SIK3: variants seen among roughly 807,000 people sequenced by gnomAD.
SIK3 encodes serine/threonine-protein kinase SIK3.
A neutral mutation model predicts 144.2 loss-of-function variants in SIK3; 28 were observed. That is an observed-to-expected ratio of 0.19 (90% CI 0.14 to 0.27). The LOEUF is 0.27. SIK3 is among the 10% of genes least tolerant of loss of function. The pLI, the probability that SIK3 is intolerant of heterozygous loss-of-function variation, is 1.00. For synonymous variants in SIK3, 686 were observed against 676.3 expected, an observed-to-expected ratio of 1.01 and a Z score of -0.22; for missense variants, 1,319 against 1,776.0, an observed-to-expected ratio of 0.74 and a Z score of 4.62.
chr11:116,951,094 A>G (rs949924312), intron 3 of SIK3, among the ~76,000 whole-genome samples: 37 of 152,162 alleles, frequency 2.4e-4, no homozygotes, highest in Non-Finnish European at 1.0e-4. Context: ...CTTCACAACT[A>G]TAATACAAAT....
intron 4 of SIK3, among the ~76,000 whole-genome samples, chr11:116,923,821 C>T (rs1947134135): frequency 6.6e-6 from 1 of 152,186 alleles, no homozygotes; most frequent in Admixed American, 6.5e-5. Flanking sequence ...AGCAGGTAGA[C>T]ACTCTCATTG....
intron 4 of SIK3, among the ~76,000 whole-genome samples, chr11:116,900,865 ATT>A (rs111403613): frequency 0.08 from 11,656 of 145,424 alleles, 829 homozygotes; most frequent in African/African-American, 0.2. Flanking sequence ...TATATTATTT[ATT>A]TTTTTTTTTT....
At chr11:116,977,444 C>T (rs1050009555) in intron 1 of SIK3, among the ~76,000 whole-genome samples, 8 of 152,022 alleles carry the variant, frequency 5.3e-5, no homozygotes, top group Non-Finnish European at 1.2e-4. Flanking sequence ...CTGGCCCTCG[C>T]CTCCCAAAAA....
At chr11:117,089,709 A>C (rs1955162538) in intron 1 of SIK3, among the ~76,000 whole-genome samples, 2 of 152,166 alleles carry the variant, frequency 1.3e-5, no homozygotes, top group Admixed American at 6.5e-5. Flanking sequence ...ACTAGACAGA[A>C]ATTTGATAAT....
At chr11:117,020,938 G>C (rs1353614302) in intron 1 of SIK3, among the ~76,000 whole-genome samples, 2 of 152,182 alleles carry the variant, frequency 1.3e-5, no homozygotes, top group Non-Finnish European at 2.9e-5. Context: ...AAACCACCTG[G>C]AGCCTGTGAC....
chr11:117,007,881 C>G (rs11216227), intron 1 of SIK3, among the ~76,000 whole-genome samples: 67,400 of 151,470 alleles, frequency 0.44, 18,171 homozygotes, highest in Non-Finnish European at 0.62. Flanking sequence ...GTCAGGAGTT[C>G]GAGACCAGCC....
intron 1 of SIK3, among the ~76,000 whole-genome samples, chr11:116,988,588 C>G (rs183142490): frequency 6.6e-5 from 10 of 151,842 alleles, no homozygotes; most frequent in Admixed American, 6.6e-4. Context: ...TGAGACCAGC[C>G]TAGGCAACAC....
intron 1 of SIK3, among the ~76,000 whole-genome samples, chr11:117,013,923 T>TGTGTGTGTGTGTATGTGTGTGTGTGTGA (rs1951396157): frequency 1.3e-5 from 1 of 77,258 alleles, no homozygotes; most frequent in Non-Finnish European, 3.0e-5. Context: ...AGGGTGTGTG[T>TGTGTGTGTGTGTATGTGTGTGTGTGTGA]GTGTGTGTGT....
chr11:116,920,364 T>G (rs1946894350), intron 4 of SIK3, among the ~76,000 whole-genome samples: 1 of 152,188 alleles, frequency 6.6e-6, no homozygotes, highest in Admixed American at 6.5e-5. Context: ...CTTTCTTCTA[T>G]GTTGAATTTA....
chr11:116,893,096 C>A (rs1262632533), intron 6 of SIK3, among the ~76,000 whole-genome samples: 1 of 152,064 alleles, frequency 6.6e-6, no homozygotes, highest in African/African-American at 2.4e-5. Context: ...GATTTGGGGG[C>A]AGTGAAACAA....
At chr11:116,947,134 A>G (rs796974831) in intron 3 of SIK3, among the ~76,000 whole-genome samples, 4 of 133,786 alleles carry the variant, frequency 3.0e-5, no homozygotes, top group Non-Finnish European at 4.8e-5. Context: ...TATAATATAT[A>G]AATTATTATT....
At chr11:116,945,162 T>A (rs905649245) in intron 3 of SIK3, among the ~76,000 whole-genome samples, 1 of 152,016 alleles carries the variant, frequency 6.6e-6, no homozygotes, top group African/African-American at 2.4e-5. Flanking sequence ...GGTTTCACCA[T>A]GTTAGCCAGG....
chr11:116,886,930 C>G (rs745998580), intron 6 of SIK3, among the ~76,000 whole-genome samples: 3 of 152,156 alleles, frequency 2.0e-5, no homozygotes, highest in Non-Finnish European at 4.4e-5. Context: ...AATTTAGACT[C>G]AGGGTTTTAT....
At chr11:116,873,405 G>A (rs528155852) in intron 13 of SIK3, 76 bp downstream of exon 13, 670 of 1,604,706 alleles carry the variant, frequency 4.2e-4, no homozygotes, top group Non-Finnish European at 5.4e-4. Context: ...TTGGCCCTGG[G>A]TTCCCAACCC....
chr11:117,033,342 T>C lies in SIK3; in HGVS notation c.273+64801A>G, dbSNP rs74592471. Among the ~76,000 whole-genome samples, 1,396 of 152,294 alleles carry C rather than the reference T, an allele frequency of 9.2e-3. 23 individuals carry two copies. The highest frequency in any genetic ancestry group is 0.032 in the African/African-American group (1,331 of 41,548). On this transcript the variant is annotated intron_variant, in intron 1 of 24. Transcript: ENST00000445177. The stretch of plus-strand genomic sequence containing the variant: ...TGACAGCATTATCATAAAACTCCAA[T>C]ATTCTTCAATAACTTACATGTTTGT...
intron 6 of SIK3, among the ~76,000 whole-genome samples, chr11:116,878,420 C>T (rs1591448529): frequency 2.0e-5 from 3 of 151,604 alleles, no homozygotes; most frequent in Admixed American, 2.0e-4. Flanking sequence ...GCTCTGTCAC[C>T]CAGGCTGTGG....
At chr11:117,062,178 AGCCAGGC>A (rs1953824556) in intron 1 of SIK3, among the ~76,000 whole-genome samples, 1 of 152,174 alleles carries the variant, frequency 6.6e-6, no homozygotes, top group South Asian at 2.1e-4. Flanking sequence ...TACAAAAATT[AGCCAGGC>A]GTGAACTCCA....
At chr11:117,028,690 T>C (rs527402609) in intron 1 of SIK3, among the ~76,000 whole-genome samples, 1 of 151,970 alleles carries the variant, frequency 6.6e-6, no homozygotes, top group East Asian at 1.9e-4. Flanking sequence ...TCTAATATGT[T>C]GAGGAAACTA....
At chr11:117,055,486 C>T (rs1321757526) in intron 1 of SIK3, among the ~76,000 whole-genome samples, 3 of 152,132 alleles carry the variant, frequency 2.0e-5, no homozygotes, top group African/African-American at 4.8e-5. Context: ...AATAATGGAG[C>T]CAGATTCAAA....
Sources: gnomAD v4.1 joint callset for allele counts (sites outside exome capture counted in the v4.1 genomes callset) on GRCh38, gnomAD v4.1.1 for gene constraint, MANE v1.5 for transcripts, NCBI Gene and HGNC (gene_info 2026-07-23, HGNC 2026-07-21) for gene names.